The following SLC14A2 variants were observed in gnomAD, a reference collection of about 807,000 sequenced individuals.
SLC14A2 encodes the protein solute carrier family 14 member 2.
SLC14A2 carries 91 observed loss-of-function variants against 104.6 expected under a neutral mutation model. That is an observed-to-expected ratio of 0.87 (90% CI 0.73 to 1.04). SLC14A2 has a LOEUF of 1.04. SLC14A2 is among the 50% of genes least tolerant of loss of function. The pLI is 0.00. For synonymous variants in SLC14A2, 476 were observed against 466.4 expected (o/e 1.02, Z -0.27); for missense variants, 1,189 against 1,156.0 (o/e 1.03, Z -0.41).
At chr18:45,406,792 C>T (rs941954456) in intron 1 of SLC14A2, among the ~76,000 whole-genome samples, 1 of 152,124 alleles carries the variant, frequency 6.6e-6, no homozygotes, top group Admixed American at 6.6e-5. Flanking sequence ...TGACTAGATA[C>T]ATTGTTAATA....
chr18:45,192,138 G>A, the SLC14A2 span, among the ~76,000 whole-genome samples: 20 of 152,182 alleles, frequency 1.3e-4, no homozygotes, highest in Admixed American at 3.3e-4. Context: ...CATCTTGTCC[G>A]GATTCTAAAA....
At chr18:45,392,661 T>C (rs1449355492) in intron 1 of SLC14A2, among the ~76,000 whole-genome samples, 2 of 152,236 alleles carry the variant, frequency 1.3e-5, no homozygotes, top group East Asian at 1.9e-4. Context: ...TATACCTATA[T>C]TTAGTGCAAA....
At chr18:45,274,998 T>A (rs76453537) in intron 1 of SLC14A2, among the ~76,000 whole-genome samples, 2,330 of 152,332 alleles carry the variant, frequency 0.015, 88 homozygotes, top group South Asian at 0.091. Flanking sequence ...TTAAGATTTA[T>A]CCTTAGTTAT....
At chr18:45,326,838 C>G (rs1400519904) in intron 1 of SLC14A2, among the ~76,000 whole-genome samples, 1 of 152,188 alleles carries the variant, frequency 6.6e-6, no homozygotes, top group Non-Finnish European at 1.5e-5. Context: ...AGCCTCATGC[C>G]TAGACTGTAT....
At chr18:45,221,680 T>G (rs1347765545) in intron 1 of SLC14A2, among the ~76,000 whole-genome samples, 1 of 152,108 alleles carries the variant, frequency 6.6e-6, no homozygotes, top group Non-Finnish European at 1.5e-5. Flanking sequence ...GCAGGAAAGT[T>G]TCAGTGCAAC....
At chr18:45,338,965 C>G (rs1425374664) in intron 1 of SLC14A2, among the ~76,000 whole-genome samples, 1 of 150,666 alleles carries the variant, frequency 6.6e-6, no homozygotes, top group Non-Finnish European at 1.5e-5. Context: ...GAGATAGAGT[C>G]TTGCTCTGTC....
upstream of SLC14A2, among the ~76,000 whole-genome samples, chr18:45,610,966 C>A (rs190106833): frequency 6.6e-6 from 1 of 152,120 alleles, no homozygotes; most frequent in South Asian, 2.1e-4. Flanking sequence ...TTACTGCCTG[C>A]GATGACCCTA....
At chr18:45,180,643 GA>G in the SLC14A2 span, among the ~76,000 whole-genome samples, 2 of 152,116 alleles carry the variant, frequency 1.3e-5, no homozygotes, top group Non-Finnish European at 2.9e-5. Context: ...GGGTATCAAG[GA>G]AGTATAATAA....
At chr18:45,602,312 C>T (rs2044802697) in intron 2 of SLC14A2, among the ~76,000 whole-genome samples, 2 of 152,188 alleles carry the variant, frequency 1.3e-5, no homozygotes, top group Non-Finnish European at 2.9e-5. Context: ...ATTTGTCACT[C>T]ATTCCTTATG....
At chr18:45,199,608 T>A in the SLC14A2 span, among the ~76,000 whole-genome samples, 1 of 152,202 alleles carries the variant, frequency 6.6e-6, no homozygotes, top group Non-Finnish European at 1.5e-5. Flanking sequence ...TATTTCTATT[T>A]CCTTGAATAG....
chr18:45,427,872 A>T (rs1409154946), intron 1 of SLC14A2, among the ~76,000 whole-genome samples: 1 of 152,184 alleles, frequency 6.6e-6, no homozygotes, highest in East Asian at 1.9e-4. Context: ...ATCTTAGGAA[A>T]GCCATAAGAT....
At chr18:45,503,913 A>C (rs536270086) in intron 2 of SLC14A2, among the ~76,000 whole-genome samples, 1 of 148,540 alleles carries the variant, frequency 6.7e-6, no homozygotes, top group East Asian at 2.0e-4. Context: ...TCAAAGATTC[A>C]GCTGACTTAC....
intron 1 of SLC14A2, among the ~76,000 whole-genome samples, chr18:45,361,157 G>C (rs1015883643): frequency 1.3e-5 from 2 of 152,142 alleles, no homozygotes; most frequent in Non-Finnish European, 2.9e-5. Context: ...GTGTCCCTCT[G>C]ATACAGCACA....
chr18:45,571,381 C>G (rs2044342582), intron 2 of SLC14A2, among the ~76,000 whole-genome samples: 1 of 152,254 alleles, frequency 6.6e-6, no homozygotes, highest in African/African-American at 2.4e-5. Context: ...TGTCCACATC[C>G]AGGCTCTGCC....
At chr18:45,226,701 G>A (rs1214135960) in intron 1 of SLC14A2, among the ~76,000 whole-genome samples, 1 of 151,390 alleles carries the variant, frequency 6.6e-6, no homozygotes, top group Non-Finnish European at 1.5e-5. Flanking sequence ...AGCATTAGGA[G>A]ATATACCTAA....
intron 2 of SLC14A2, among the ~76,000 whole-genome samples, chr18:45,512,746 T>A (rs2043383754): frequency 1.3e-5 from 2 of 152,148 alleles, no homozygotes; most frequent in South Asian, 4.1e-4. Flanking sequence ...TTTACATACA[T>A]CAGACTCATT....
intron 1 of SLC14A2, among the ~76,000 whole-genome samples, chr18:45,421,261 T>C (rs2086344310): frequency 6.6e-6 from 1 of 152,114 alleles, no homozygotes; most frequent in Non-Finnish European, 1.5e-5. Flanking sequence ...CGATCCTTTT[T>C]TTTTTTTTAA....
At chr18:45,221,462 C>T (rs771120923) in intron 1 of SLC14A2, among the ~76,000 whole-genome samples, 1 of 152,128 alleles carries the variant, frequency 6.6e-6, no homozygotes, top group African/African-American at 2.4e-5. Context: ...TTTGATTGGT[C>T]CAGAATCAGC....
At chr18:45,175,580 T>C in the SLC14A2 span, among the ~76,000 whole-genome samples, 24 of 151,940 alleles carry the variant, frequency 1.6e-4, no homozygotes. Flanking sequence ...CCATGGAAAA[T>C]AGGACCACAG....
Sources: gnomAD v4.1 joint callset for allele counts (sites outside exome capture counted in the v4.1 genomes callset) on GRCh38, gnomAD v4.1.1 for gene constraint, MANE v1.5 for transcripts, NCBI Gene and HGNC (gene_info 2026-07-23, HGNC 2026-07-21) for gene names.